The following SLC35F1 variants were observed in gnomAD, a reference collection of about 807,000 sequenced individuals.
SLC35F1 encodes the protein chromosome 6 open reading frame 169.
Under a neutral mutation model 48.7 loss-of-function variants are expected in SLC35F1, and 14 were observed. The observed-to-expected ratio is 0.29, with a 90% CI of 0.19 to 0.45. The LOEUF (loss-of-function observed/expected upper bound fraction) is 0.45. SLC35F1 is among the 20% of genes least tolerant of loss of function. The pLI, the probability that SLC35F1 is intolerant of heterozygous loss-of-function variation, is 1.00. For missense variants in SLC35F1, 404 were observed against 500.0 expected (o/e 0.81, Z 1.83); for synonymous variants, 190 against 202.2 (o/e 0.94, Z 0.51).
intron 1 of SLC35F1, among the ~76,000 whole-genome samples, chr6:118,037,420 C>A (rs1278735367): frequency 6.6e-6 from 1 of 151,782 alleles, no homozygotes; most frequent in Non-Finnish European, 1.5e-5. Context: ...TTCTTTTGTT[C>A]CCCCTTACCT....
intron 2 of SLC35F1, among the ~76,000 whole-genome samples, chr6:118,178,702 G>A (rs74801355): frequency 0.015 from 2,250 of 152,028 alleles, 54 homozygotes; most frequent in African/African-American, 0.051. Flanking sequence ...AAGAAACCCA[G>A]ACAGCCAGAT....
At chr6:118,311,764 T>C (rs1363421375) in intron 7 of SLC35F1, among the ~76,000 whole-genome samples, 2 of 151,902 alleles carry the variant, frequency 1.3e-5, no homozygotes, top group Non-Finnish European at 2.9e-5. Context: ...GCATCCAGCC[T>C]AGGGTGACAG....
intron 2 of SLC35F1, among the ~76,000 whole-genome samples, chr6:118,203,329 T>C (rs761561222): frequency 1.3e-5 from 2 of 152,198 alleles, no homozygotes; most frequent in Non-Finnish European, 2.9e-5. Flanking sequence ...TACTCTGCCA[T>C]CAAAGGTCAT....
At chr6:117,995,849 A>G (rs1338775168) in intron 1 of SLC35F1, among the ~76,000 whole-genome samples, 1 of 152,242 alleles carries the variant, frequency 6.6e-6, no homozygotes, top group Non-Finnish European at 1.5e-5. Context: ...CATAGATTGG[A>G]TGGATTATAT....
At position 118,205,199 on chromosome 6, in the gene SLC35F1, G is replaced by A. The variant is rs149981130; in HGVS notation, c.350-30310G>A. 8.4e-3 allele frequency among the ~76,000 whole-genome samples: 1,284 copies of A among 152,310 alleles called. 15 individuals carry two copies. The highest frequency in any genetic ancestry group is 0.034 in the Middle Eastern group (10 of 294). On this transcript the variant is annotated intron_variant, in intron 2 of 7. Coordinates refer to ENST00000360388, the MANE Select transcript of SLC35F1 (RefSeq NM_001029858.4). ...ACCTGTGTGTGGGAGTTTTAGGGTA[G>A]AGTGTTAGCTTATGGGCAGATTCTA...
At chr6:118,287,071 T>A (rs1776060171) in intron 7 of SLC35F1, among the ~76,000 whole-genome samples, 1 of 152,188 alleles carries the variant, frequency 6.6e-6, no homozygotes, top group African/African-American at 2.4e-5. Context: ...GTTTGCAGTT[T>A]GTTTCGTCTG....
intron 1 of SLC35F1, among the ~76,000 whole-genome samples, chr6:117,968,849 G>A (rs2114841406): frequency 6.6e-6 from 1 of 152,234 alleles, no homozygotes; most frequent in Non-Finnish European, 1.5e-5. Flanking sequence ...GAGAACTATT[G>A]TTTTGGGAAA....
chr6:118,188,982 G>A (rs1462081284), intron 2 of SLC35F1, among the ~76,000 whole-genome samples: 1 of 152,132 alleles, frequency 6.6e-6, no homozygotes, highest in African/African-American at 2.4e-5. Context: ...TGCAGTCATG[G>A]CTGACTGCAG....
chr6:117,923,763 G>A lies in SLC35F1; in HGVS notation c.173+15864G>A, dbSNP rs202020358. On this transcript the variant is annotated intron_variant, in intron 1 of 7. Coordinates refer to ENST00000360388, the MANE Select transcript of SLC35F1 (RefSeq NM_001029858.4). ...TACATATATGTACATATATACATAT[G>A]CACATACATATGTATATATACATAT... Among the ~76,000 whole-genome samples, 132 of 18,034 alleles carry A rather than the reference G, an allele frequency of 7.3e-3. 11 individuals are homozygous for A. Among genetic ancestry groups the A allele is most frequent in the African/African-American group, 0.031 (113 of 3,624 alleles). 11.8% of individuals were successfully genotyped at this position (18,034 alleles called of 152,430 possible). A position where few individuals can be genotyped will look rare whatever the true frequency, so the allele number is the denominator to read the frequency against.
chr6:118,280,380 A>C (rs892791621), intron 6 of SLC35F1, among the ~76,000 whole-genome samples: 2 of 152,170 alleles, frequency 1.3e-5, no homozygotes, highest in African/African-American at 4.8e-5. Context: ...AATGTCAGAG[A>C]AAAGAAAAAG....
chr6:118,279,028 A>G (rs1775950921), intron 6 of SLC35F1, among the ~76,000 whole-genome samples: 2 of 152,216 alleles, frequency 1.3e-5, no homozygotes, highest in Admixed American at 1.3e-4. Context: ...GTGTAAAAGG[A>G]ACACATTACA....
chr6:118,206,653 A>T (rs1774938856), intron 2 of SLC35F1, among the ~76,000 whole-genome samples: 1 of 152,234 alleles, frequency 6.6e-6, no homozygotes, highest in Admixed American at 6.5e-5. Flanking sequence ...AAAAATTTCA[A>T]TAAACTTTAG....
chr6:118,226,222 C>T (rs111956908), intron 2 of SLC35F1, among the ~76,000 whole-genome samples: 33 of 152,100 alleles, frequency 2.2e-4, no homozygotes, highest in African/African-American at 6.7e-4. Flanking sequence ...ATGCTGGTGA[C>T]GATATGAAGA....
chr6:118,143,206 C>A lies in SLC35F1; in HGVS notation c.174-11239C>A, dbSNP rs906382275. Among the ~76,000 whole-genome samples, 7 of 152,270 alleles carry A rather than the reference C, an allele frequency of 4.6e-5. 1 individual carries two copies. The East Asian group carries it at 1.4e-3, about 29-fold the overall frequency. The stretch of plus-strand genomic sequence containing the variant: ...AGTGAGTCACCGATCCACTTGCATA[C>A]TTTCTTTGTTTTTATTTATTCAATA... On this transcript the variant is annotated intron_variant, in intron 1 of 7. Transcript: ENST00000360388.
chr6:118,078,329 C>A (rs962419990), intron 1 of SLC35F1, among the ~76,000 whole-genome samples: 1 of 152,032 alleles, frequency 6.6e-6, no homozygotes, highest in Non-Finnish European at 1.5e-5. Flanking sequence ...AATTTGGGGG[C>A]AGCAATTTGG....
chr6:118,210,362 G>T lies in SLC35F1; in HGVS notation c.350-25147G>T, dbSNP rs902397987. The stretch of plus-strand genomic sequence containing the variant: ...GTTAAGATTTTACTGCCTAATCTAT[G>T]GAAAGTCTTGTTTGGAGATTGGGAC... On this transcript the variant is annotated intron_variant, in intron 2 of 7. Coordinates refer to ENST00000360388, the MANE Select transcript of SLC35F1 (RefSeq NM_001029858.4). 3.3e-5 allele frequency among the ~76,000 whole-genome samples: 5 copies of T among 152,234 alleles called. No homozygotes were observed. The East Asian group carries it at 9.6e-4, about 29-fold the overall frequency.
intron 1 of SLC35F1, among the ~76,000 whole-genome samples, chr6:118,012,854 A>G (rs566066901): frequency 6.6e-6 from 1 of 152,202 alleles, no homozygotes; most frequent in African/African-American, 2.4e-5. Context: ...CAAATTTTCC[A>G]AGCAACATCT....
At chr6:118,206,663 G>A (rs1040082348) in intron 2 of SLC35F1, among the ~76,000 whole-genome samples, 1 of 152,108 alleles carries the variant, frequency 6.6e-6, no homozygotes, top group African/African-American at 2.4e-5. Flanking sequence ...ATAAACTTTA[G>A]GAATCTTATG....
intron 1 of SLC35F1, among the ~76,000 whole-genome samples, chr6:117,928,762 G>A (rs938479304): frequency 5.3e-5 from 8 of 152,084 alleles, no homozygotes; most frequent in Non-Finnish European, 8.8e-5. Flanking sequence ...AATCAAGTAT[G>A]CTAACAGCTT....
Sources: gnomAD v4.1 joint callset for allele counts (sites outside exome capture counted in the v4.1 genomes callset) on GRCh38, gnomAD v4.1.1 for gene constraint, MANE v1.5 for transcripts, NCBI Gene and HGNC (gene_info 2026-07-23, HGNC 2026-07-21) for gene names.